TNRC18: variants seen among roughly 807,000 people sequenced by gnomAD.
TNRC18 encodes the protein trinucleotide repeat containing 18.
A neutral mutation model predicts 226.7 loss-of-function variants in TNRC18; 69 were observed. The ratio of observed to expected loss-of-function variants is 0.30; its 90% confidence interval spans 0.25 to 0.37. TNRC18 has a LOEUF of 0.37. Among genes scored for constraint, TNRC18 ranks in the 10% least tolerant of loss-of-function variants. The pLI is 1.00. For synonymous variants in TNRC18, 2,449 were observed against 1,927.6 expected (o/e 1.27, Z -7.09); for missense variants, 4,754 against 4,256.6 (o/e 1.12, Z -3.25).
At chr7:5,352,207 G>C (rs1403397533) in intron 16 of TNRC18, 113 bp from the exon 17 acceptor site, 12 of 1,141,680 alleles carry the variant, frequency 1.1e-5, no homozygotes, top group Non-Finnish European at 1.5e-5. Flanking sequence ...GAACAAACAG[G>C]TCCGAATACC....
Position 5,377,715 on chromosome 7 carries a change from G to C in TNRC18, c.2256-139C>G, listed in dbSNP as rs183033221. On this transcript the variant is annotated intron_variant, in intron 6 of 29. Transcript: ENST00000430969. This position sits in a 1 kb window ranked among gnomAD's most constrained non-coding sequence, Gnocchi z 5.8. ...ACTGCTCGGAACTGAAGGGCCTCCCGGGGCCTTCCACACTCACTGTAGGGG... is the reference window on the plus strand; with the variant it reads ...ACTGCTCGGAACTGAAGGGCCTCCCCGGGCCTTCCACACTCACTGTAGGGG... 2.7e-6 allele frequency: 3 copies of C among 1,094,728 alleles called. No homozygotes were observed. The highest frequency in any genetic ancestry group is 3.2e-5 in the African/African-American group (2 of 63,232). The allele number at this position is 1,094,728 out of a possible 1,614,324, so 67.8% of individuals were successfully genotyped here.
chr7:5,381,816 A>G (rs1779416448), intron 5 of TNRC18, among the ~76,000 whole-genome samples: 1 of 152,010 alleles, frequency 6.6e-6, no homozygotes. Flanking sequence ...AAATACAAAA[A>G]TTAGCTGGGC....
At chr7:5,318,473 C>A (rs1228502148) in intron 24 of TNRC18, among the ~76,000 whole-genome samples, 1 of 151,802 alleles carries the variant, frequency 6.6e-6, no homozygotes, top group African/African-American at 2.4e-5. Context: ...TGGAACTAGC[C>A]CAAGTTCCAG....
At chr7:5,329,978 G>C (rs948173585) in intron 19 of TNRC18, 4 of 471,030 alleles carry the variant, frequency 8.5e-6, no homozygotes, top group African/African-American at 2.0e-5. Context: ...ACCTGGAACA[G>C]AACAGATTCA....
chr7:5,383,403 T>G (rs926303402), intron 5 of TNRC18, among the ~76,000 whole-genome samples: 1 of 152,164 alleles, frequency 6.6e-6, no homozygotes, highest in Non-Finnish European at 1.5e-5. Context: ...TGCCTGAATA[T>G]GAGCAGATGA....
chr7:5,406,617 G>A (rs1781481671), intron 2 of TNRC18, among the ~76,000 whole-genome samples: 1 of 152,094 alleles, frequency 6.6e-6, no homozygotes, highest in Admixed American at 6.6e-5. Context: ...TTGGAAGGCA[G>A]AAGCGGGCGG....
rs1018032825 is a variant in TNRC18 at position 5,336,067 on chromosome 7, C to T, written c.5720-3018G>A. On this transcript the variant is annotated intron_variant, in intron 18 of 29. Coordinates refer to ENST00000430969, the MANE Select transcript of TNRC18 (RefSeq NM_001080495.3). ...ACAAAAAATACAAAAATTATCTGGG[C>T]GTGGTGGCATGCATCTGTAATTCCA... 7.2e-5 allele frequency among the ~76,000 whole-genome samples: 11 copies of T among 151,884 alleles called. No homozygotes were observed. In the South Asian group the frequency reaches 1.0e-3, roughly 14 times the overall value.
chr7:5,402,689 A>G (rs1391161128), intron 2 of TNRC18, among the ~76,000 whole-genome samples: 1 of 151,954 alleles, frequency 6.6e-6, no homozygotes, highest in Non-Finnish European at 1.5e-5. Context: ...CCGCATCTCT[A>G]CTAAAAATAT....
At chr7:5,349,649 G>A (rs969812115) in intron 17 of TNRC18, among the ~76,000 whole-genome samples, 2 of 152,202 alleles carry the variant, frequency 1.3e-5, no homozygotes, top group African/African-American at 2.4e-5. Flanking sequence ...CCGCTGCGCC[G>A]TCTGCCCTAC....
rs1412911738 is a variant in TNRC18 at position 5,358,753 on chromosome 7, G to A, written c.4833+645C>T. Among the ~76,000 whole-genome samples the A allele has an allele frequency of 6.7e-4, 102 of 152,338 alleles. 1 individual carries two copies. Among genetic ancestry groups the A allele is most frequent in the Non-Finnish European group, 2.9e-5 (2 of 68,040 alleles). ...CGCTTGAACCTGGGAGGCGGATGTT[G>A]CAGTGAGCCGAGATCGTGCCACGGC... is the stretch of plus-strand genomic sequence containing the variant. On this transcript the variant is annotated intron_variant, in intron 15 of 29. Transcript: ENST00000430969.
chr7:5,334,401 A>G (rs557492426), intron 18 of TNRC18, among the ~76,000 whole-genome samples: 1 of 148,438 alleles, frequency 6.7e-6, no homozygotes, highest in African/African-American at 2.5e-5. Context: ...GGTTCATGCC[A>G]TTCTCCTGCC....
intron 18 of TNRC18, among the ~76,000 whole-genome samples, chr7:5,334,683 T>C (rs1485328139): frequency 2.0e-5 from 3 of 152,148 alleles, no homozygotes; most frequent in African/African-American, 7.2e-5. Flanking sequence ...GCATGAGCGC[T>C]CTGCTCTGGG....
rs766580299 is a variant in TNRC18 at position 5,307,606 on chromosome 7, C to T, written c.*500G>A. On this transcript the variant is annotated 3_prime_UTR_variant, in exon 30 of 30. Coordinates refer to ENST00000430969, the MANE Select transcript of TNRC18 (RefSeq NM_001080495.3). Reference sequence around the variant, plus strand: ...AGGGCCCCTGGCACAGTCAGGTAGGCCAGCTGGCATCGGGCTGCCCTGTCC... The same window carrying T: ...AGGGCCCCTGGCACAGTCAGGTAGGTCAGCTGGCATCGGGCTGCCCTGTCC... 9.0e-6 allele frequency: 4 copies of T among 444,332 alleles called. No homozygotes were observed. The highest frequency in any genetic ancestry group is 7.2e-5 in the Admixed American group (3 of 41,574). 27.5% of individuals were successfully genotyped at this position (444,332 alleles called of 1,614,324 possible).
chr7:5,414,348 C>A lies in TNRC18; in HGVS notation c.187+6712G>T, dbSNP rs1413665242. Reference sequence around the variant, plus strand: ...ATATAAAATAGATATTTTTTCTTTTCCTGAACCATTCCGAGGACAAGTTGT... The same window carrying A: ...ATATAAAATAGATATTTTTTCTTTTACTGAACCATTCCGAGGACAAGTTGT... On this transcript the variant is annotated intron_variant, in intron 2 of 29. Transcript: ENST00000430969. Among the ~76,000 whole-genome samples, 3 of 151,156 alleles carry A rather than the reference C, an allele frequency of 2.0e-5. No individual in the cohort carries two copies. In the East Asian group the frequency reaches 5.8e-4, roughly 29 times the overall value.
chr7:5,402,520 G>A (rs950138452), intron 2 of TNRC18, among the ~76,000 whole-genome samples: 3 of 150,714 alleles, frequency 2.0e-5, no homozygotes, highest in South Asian at 2.1e-4. Flanking sequence ...GTGACAGAGC[G>A]AGACCCTGTC....
Position 5,312,423 on chromosome 7 carries a change from C to G in TNRC18, c.8388+80G>C. ...TCTGGGAGGTTACCACACACGGAGA[C>G]ACAGCATGAAGCCGTGGGCCCAGCA... On this transcript the variant is annotated intron_variant, in intron 27 of 29. Coordinates refer to ENST00000430969, the MANE Select transcript of TNRC18 (RefSeq NM_001080495.3). The surrounding 1 kb of genome is among the most constrained non-coding windows in gnomAD (Gnocchi z 6.3). The G allele has an allele frequency of 3.3e-6, 5 of 1,530,502 alleles. No individual in the cohort carries two copies. The South Asian group carries it at 4.9e-5, about 15-fold the overall frequency. The allele number at this position is 1,530,502 out of a possible 1,614,324, so 94.8% of individuals were successfully genotyped here.
rs568500807 is a variant in TNRC18 at position 5,356,777 on chromosome 7, G to C, written c.5194+139C>G. On this transcript the variant is annotated intron_variant, in intron 16 of 29. Transcript: ENST00000430969. ...CGGCTTGGAGGCCATGCCAAGCTCA[G>C]GCACTGTAGTGCGCCCCAGAGAGAG... is the stretch of plus-strand genomic sequence containing the variant. 2.7e-5 allele frequency: 33 copies of C among 1,244,478 alleles called. No individual in the cohort carries two copies. The East Asian group carries it at 6.2e-4, about 24-fold the overall frequency. 77.1% of individuals were successfully genotyped at this position (1,244,478 alleles called of 1,614,324 possible).
chr7:5,388,728 C>A lies in TNRC18; in HGVS notation c.1096G>T (p.Glu366Ter). 7.9e-7 allele frequency: 1 copy of A among 1,261,654 alleles called. No individual in the cohort carries two copies. The highest frequency in any genetic ancestry group is 1.0e-6 in the Non-Finnish European group (1 of 1,001,586). The allele number at this position is 1,261,654 out of a possible 1,614,324, so 78.2% of individuals were successfully genotyped here. ...VYTVFREQGR[E>*]HRVVAPTFVP... ...AAGGTGGGCGCCACCACGCGGTGCT[C>A]ACGGCCCTGCTCGCGGAAGACGGTG... The change falls in exon 5 of 30, where the codon GAG becomes TAG. Residue 366 changes from glutamate (E) to a stop codon, truncating the protein, a stop_gained. Coordinates refer to ENST00000430969, the MANE Select transcript of TNRC18 (RefSeq NM_001080495.3). LOFTEE classifies it high-confidence loss of function.
chr7:5,318,991 C>T (rs1290185680), intron 24 of TNRC18, among the ~76,000 whole-genome samples: 7 of 152,226 alleles, frequency 4.6e-5, no homozygotes, highest in African/African-American at 1.2e-4. Context: ...AAACATGCAA[C>T]GCAACAAAAG....
Sources: allele counts gnomAD v4.1 joint callset (sites outside exome capture counted in the v4.1 genomes callset), GRCh38; gene constraint gnomAD v4.1.1; non-coding constraint Gnocchi (gnomAD v3.1); transcripts MANE v1.5; gene names NCBI Gene and HGNC (gene_info 2026-07-23, HGNC 2026-07-21).